The following PDZRN3 variants were observed in gnomAD, a reference collection of about 807,000 sequenced individuals.
PDZRN3 encodes E3 ubiquitin-protein ligase PDZRN3.
A neutral mutation model predicts 85.7 loss-of-function variants in PDZRN3; 38 were observed. That is an observed-to-expected ratio of 0.44 (90% CI 0.34 to 0.58). The LOEUF (loss-of-function observed/expected upper bound fraction) is 0.58, where lower values mean the gene tolerates loss of function less well. PDZRN3 is among the 20% of genes least tolerant of loss of function. The probability of loss-of-function intolerance (pLI) is 0.01; values close to 1 mark genes in which losing one functional copy is unlikely to be tolerated. For synonymous variants in PDZRN3, 759 were observed against 638.0 expected (o/e 1.19, Z -2.86); for missense variants, 1,629 against 1,506.4 (o/e 1.08, Z -1.35).
At chr3:73,385,180 C>T (rs1701342796) in intron 9 of PDZRN3, among the ~76,000 whole-genome samples, 1 of 152,160 alleles carries the variant, frequency 6.6e-6, no homozygotes, top group African/African-American at 2.4e-5. Context: ...CACTTTATCT[C>T]AATGAATGAT....
intron 3 of PDZRN3, among the ~76,000 whole-genome samples, chr3:73,442,019 C>T (rs1378574027): frequency 6.6e-6 from 1 of 152,172 alleles, no homozygotes; most frequent in African/African-American, 2.4e-5. Context: ...TCTCTTTGCC[C>T]ATGTGAATGT....
chr3:73,554,328 A>G (rs1701636410), intron 3 of PDZRN3, among the ~76,000 whole-genome samples: 1 of 148,504 alleles, frequency 6.7e-6, no homozygotes, highest in Non-Finnish European at 1.5e-5. Flanking sequence ...GTATATAAGA[A>G]TATCTCACAG....
At chr3:73,406,518 AC>A (rs1359256184) in intron 3 of PDZRN3, among the ~76,000 whole-genome samples, 2 of 152,332 alleles carry the variant, frequency 1.3e-5, no homozygotes, top group Middle Eastern at 3.4e-3. Context: ...AATTAATGCA[AC>A]ATATAGCACC....
chr3:73,439,892 C>T (rs112607545), intron 3 of PDZRN3, among the ~76,000 whole-genome samples: 1 of 151,192 alleles, frequency 6.6e-6, no homozygotes, highest in African/African-American at 2.5e-5. Context: ...GCATGCACCA[C>T]CACATCAAGC....
chr3:73,572,527 T>C (rs1702058991), intron 3 of PDZRN3, among the ~76,000 whole-genome samples: 1 of 152,226 alleles, frequency 6.6e-6, no homozygotes. Flanking sequence ...CCAGGCTATC[T>C]GGGGATCTCT....
chr3:73,456,835 A>T (rs1326340573), intron 3 of PDZRN3, among the ~76,000 whole-genome samples: 1 of 152,194 alleles, frequency 6.6e-6, no homozygotes, highest in East Asian at 1.9e-4. Flanking sequence ...GTGGTATAAA[A>T]TTTAGCCAGA....
chr3:73,402,378 C>T (rs1701766511), intron 4 of PDZRN3: 1 of 152,176 alleles, frequency 6.6e-6, no homozygotes, highest in South Asian at 2.1e-4. Context: ...GCCAGTTGTT[C>T]CAGAGGATGG....
chr3:73,390,987 ATAGT>A (rs746646258), intron 6 of PDZRN3, 27 bp downstream of exon 6: 11 of 1,439,900 alleles, frequency 7.6e-6, no homozygotes, highest in Non-Finnish European at 1.1e-5. Context: ...TCTTGATACG[ATAGT>A]TAGAAAAACA....
intron 3 of PDZRN3, among the ~76,000 whole-genome samples, chr3:73,478,457 T>A (rs1344028490): frequency 6.6e-6 from 1 of 152,132 alleles, no homozygotes; most frequent in Non-Finnish European, 1.5e-5. Context: ...CACCCCCAGA[T>A]GAGACCATCC....
chr3:73,503,528 C>G (rs1022753480), intron 3 of PDZRN3, among the ~76,000 whole-genome samples: 9 of 152,138 alleles, frequency 5.9e-5, no homozygotes, highest in African/African-American at 2.2e-4. Flanking sequence ...AAGTATTATT[C>G]CCATTGCTGT....
At chr3:73,529,700 G>A (rs957543927) in intron 3 of PDZRN3, among the ~76,000 whole-genome samples, 2 of 152,194 alleles carry the variant, frequency 1.3e-5, no homozygotes, top group African/African-American at 4.8e-5. Flanking sequence ...AGAAAGATAA[G>A]AAATCTGTTT....
intron 3 of PDZRN3, among the ~76,000 whole-genome samples, chr3:73,432,005 G>A (rs1702441903): frequency 6.6e-6 from 1 of 152,204 alleles, no homozygotes; most frequent in South Asian, 2.1e-4. Context: ...ACTGCTGAAT[G>A]ATATTTTATG....
intron 9 of PDZRN3, 60 bp from the exon 10 acceptor site, chr3:73,384,990 G>A: frequency 6.5e-7 from 1 of 1,528,084 alleles, no homozygotes. Context: ...AGGTACTCAG[G>A]TTTGACCTTT....
chr3:73,539,850 T>C (rs1376534870), intron 3 of PDZRN3, among the ~76,000 whole-genome samples: 1 of 151,988 alleles, frequency 6.6e-6, no homozygotes, highest in Non-Finnish European at 1.5e-5. Context: ...ATTCCAAGCA[T>C]CAGATGGCAC....
chr3:73,423,347 T>A (rs772381020), intron 3 of PDZRN3, among the ~76,000 whole-genome samples: 1 of 152,224 alleles, frequency 6.6e-6, no homozygotes, highest in Admixed American at 6.5e-5. Flanking sequence ...ATAATTGTCA[T>A]GTGAGGCAAA....
At chr3:73,589,243 A>G (rs2106877430) in intron 3 of PDZRN3, among the ~76,000 whole-genome samples, 1 of 152,292 alleles carries the variant, frequency 6.6e-6, no homozygotes, top group South Asian at 2.1e-4. Context: ...AAGCTGACTC[A>G]GAATGAAAGG....
intron 3 of PDZRN3, among the ~76,000 whole-genome samples, chr3:73,554,490 A>G (rs1167016723): frequency 6.6e-6 from 1 of 152,104 alleles, no homozygotes; most frequent in Non-Finnish European, 1.5e-5. Context: ...CTCTTCACAG[A>G]AGCATGGGCC....
chr3:73,485,772 G>A (rs2106645121), intron 3 of PDZRN3, among the ~76,000 whole-genome samples: 1 of 152,258 alleles, frequency 6.6e-6, no homozygotes, highest in Admixed American at 6.5e-5. Context: ...ACAATTTCAG[G>A]GAAACTGGCA....
At chr3:73,427,469 C>T (rs529561740) in intron 3 of PDZRN3, among the ~76,000 whole-genome samples, 3 of 151,776 alleles carry the variant, frequency 2.0e-5, no homozygotes, top group Middle Eastern at 3.4e-3. Flanking sequence ...ACCATGACCT[C>T]TTCCTGCATT....
Sources: gnomAD v4.1 joint callset for allele counts (sites outside exome capture counted in the v4.1 genomes callset) on GRCh38, gnomAD v4.1.1 for gene constraint, MANE v1.5 for transcripts, NCBI Gene and HGNC (gene_info 2026-07-23, HGNC 2026-07-21) for gene names.